The following CNOT3 variants were observed in gnomAD, a reference collection of about 807,000 sequenced individuals.
The protein encoded by CNOT3 is CCR4-NOT transcription complex subunit 3.
A neutral mutation model predicts 89.4 loss-of-function variants in CNOT3; 2 were observed. The ratio of observed to expected loss-of-function variants is 0.02; its 90% CI spans 0.01 to 0.07. CNOT3 has a LOEUF of 0.07. Among genes scored for constraint, CNOT3 ranks in the 10% least tolerant of loss-of-function variants. The pLI, the probability that CNOT3 is intolerant of heterozygous loss-of-function variation, is 1.00. For synonymous variants in CNOT3, 486 were observed against 402.0 expected, an observed-to-expected ratio of 1.21 and a Z score of -2.50; for missense variants, 664 against 1,010.2, an observed-to-expected ratio of 0.66 and a Z score of 4.65.
intron 9 of CNOT3, 146 bp downstream of exon 9, chr19:54,146,189 C>T (rs778936783): frequency 1.6e-4 from 130 of 838,478 alleles, no homozygotes; most frequent in Non-Finnish European, 2.1e-4. Flanking sequence ...TTGGAGCACA[C>T]GCTAAGGTCC....
Position 54,144,174 on chromosome 19 carries a change from C to T in CNOT3, c.387+40C>T, listed in dbSNP as rs1326157632. The T allele has an allele frequency of 6.2e-7, 1 of 1,610,812 alleles. No individual in the cohort carries two copies. Among genetic ancestry groups the T allele is most frequent in the Non-Finnish European group, 8.5e-7 (1 of 1,178,116 alleles). ...AGAAGAGGAGGTGAACTCTGAGGAT[C>T]CTGAGCCCTGGGTGTAGGCGGAACC... On this transcript the variant is annotated intron_variant, in intron 6 of 17. Transcript: ENST00000221232. The surrounding 1 kb of genome is among the most constrained non-coding windows in gnomAD (Gnocchi z 4.8).
In CNOT3 at chr19:54,152,625, C is replaced by T; in HGVS notation, c.1903C>T (p.Arg635Trp). 2 of 1,608,890 alleles carry T rather than the reference C, an allele frequency of 1.2e-6. No homozygotes were observed. Among genetic ancestry groups the T allele is most frequent in the Non-Finnish European group, 1.7e-6 (2 of 1,176,720 alleles). ...TCACCCCTCTGACTCTGAGCGTATTCGGTGAGGGGCCACAGGGAAGGGGGA... is the reference window on the plus strand; with the variant it reads ...TCACCCCTCTGACTCTGAGCGTATTTGGTGAGGGGCCACAGGGAAGGGGGA... ...MPHPSDSERI[R>W]QYLPRNPCPT... is the part of the protein sequence containing the mutation. Residue 635 changes from arginine to tryptophan, a missense_variant and splice_region_variant, in exon 15 of 18, where the codon CGG (arginine) becomes TGG (tryptophan). Around this residue, in one of 8 missense-constraint regions of CNOT3, gnomAD observed 545 missense variants for 566.2 expected, o/e 0.96. Coordinates refer to ENST00000221232, the MANE Select transcript of CNOT3 (RefSeq NM_014516.4).
Position 54,153,720 on chromosome 19 carries a change from T to G in CNOT3, c.2043T>G (p.Thr681=). 6.2e-7 allele frequency: 1 copy of G among 1,613,886 alleles called. No individual in the cohort carries two copies. The highest frequency in any genetic ancestry group is 8.5e-7 in the Non-Finnish European group (1 of 1,179,848). The change falls in exon 17 of 18, where the codon ACT becomes ACG. Residue 681 remains threonine (T), a synonymous_variant. Coordinates refer to ENST00000221232, the MANE Select transcript of CNOT3 (RefSeq NM_014516.4). ...LFFIFYYLEG[T]KAQYLAAKAL... is the part of the protein sequence containing the mutation. ...CTCCACTGTTCCTCCCCCAGGGCACTAAGGCACAGTATCTGGCAGCCAAGG... is the reference window on the plus strand; with the variant it reads ...CTCCACTGTTCCTCCCCCAGGGCACGAAGGCACAGTATCTGGCAGCCAAGG...
At position 54,144,409 on chromosome 19, in the gene CNOT3, T is replaced by C; in HGVS notation, c.483+77T>C. The C allele has an allele frequency of 1.8e-6, 2 of 1,082,918 alleles. No individual in the cohort carries two copies. Among genetic ancestry groups the C allele is most frequent in the East Asian group, 2.4e-5 (1 of 41,588 alleles). The allele number at this position is 1,082,918 out of a possible 1,614,324, so 67.1% of individuals were successfully genotyped here. ...GCTGGCCAGCAGGAGGCCAGTCATT[T>C]ATGCTCCTGGGAGTTGGGGCCTGGA... On this transcript the variant is annotated intron_variant, in intron 7 of 17. Transcript: ENST00000221232. This position sits in a 1 kb window ranked among gnomAD's most constrained non-coding sequence, Gnocchi z 4.8.
At chr19:54,152,122 C>T (rs2075149754) in intron 13 of CNOT3, 104 bp from the exon 14 acceptor site, 5 of 1,239,314 alleles carry the variant, frequency 4.0e-6, no homozygotes, top group Non-Finnish European at 5.8e-6. Context: ...GTTGGCCCTC[C>T]ACGGCCCCCA....
At position 54,144,301 on chromosome 19, in the gene CNOT3, T is replaced by C. The variant is rs2074569451; in HGVS notation, c.452T>C (p.Val151Ala). ...QFESEVESLSVQTRKKKGDKD... is the reference protein window; with the variant it reads ...QFESEVESLSAQTRKKKGDKD... ...GAGAGTGAAGTGGAGTCACTGTCAGTGCAGACACGCAAGAAGAAGGGCGAC... is the reference window on the plus strand; with the variant it reads ...GAGAGTGAAGTGGAGTCACTGTCAGCGCAGACACGCAAGAAGAAGGGCGAC... Residue 151 changes from valine (V) to alanine (A), a missense_variant, in exon 7 of 18, where the codon GTG becomes GCG. Physicochemically the swap from Val to Ala is moderately conservative, Grantham distance 64. Around this residue, in one of 8 missense-constraint regions of CNOT3, gnomAD observed 37 missense variants for 79.5 expected, o/e 0.47. Transcript: ENST00000221232. The surrounding 1 kb of genome is among the most constrained non-coding windows in gnomAD (Gnocchi z 4.8). The C allele has an allele frequency of 4.3e-6, 7 of 1,613,898 alleles. No homozygotes were observed. The highest frequency in any genetic ancestry group is 1.1e-5 in the South Asian group (1 of 91,084).
chr19:54,149,664 C>A lies in CNOT3; in HGVS notation c.1511C>A (p.Pro504His). Residue 504 changes from proline (P) to histidine (H), a missense_variant, in exon 13 of 18, where the codon CCT becomes CAT. Physicochemically the swap from Pro to His is moderately conservative, Grantham distance 77. Coordinates refer to ENST00000221232, the MANE Select transcript of CNOT3 (RefSeq NM_014516.4). ...PSLLVPLPVN[P>H]PSSPTPSFSD... ...CTCCTGGTGCCACTGCCTGTGAATC[C>A]TCCCAGCTCCCCAACGCCCAGCTTC... 6.2e-7 allele frequency: 1 copy of A among 1,614,058 alleles called. No individual in the cohort carries two copies. Among genetic ancestry groups the A allele is most frequent in the Non-Finnish European group, 8.5e-7 (1 of 1,179,948 alleles).
At chr19:54,153,502 C>T in intron 16 of CNOT3, 1 of 778,210 alleles carries the variant, frequency 1.3e-6, no homozygotes, top group Non-Finnish European at 2.4e-6. Context: ...CAAAGCTTCT[C>T]TGAAAGCAAT....
intron 13 of CNOT3, among the ~76,000 whole-genome samples, 170 bp downstream of exon 13, chr19:54,149,928 G>A (rs899998872): frequency 6.6e-5 from 10 of 151,632 alleles, no homozygotes; most frequent in Admixed American, 5.9e-4. Context: ...CACCCTCCCC[G>A]TGACCTTGAT....
At position 54,145,495 on chromosome 19, in the gene CNOT3, G is replaced by A. The variant is rs2074627470; in HGVS notation, c.484-103G>A. On this transcript the variant is annotated intron_variant, in intron 7 of 17. Coordinates refer to ENST00000221232, the MANE Select transcript of CNOT3 (RefSeq NM_014516.4). This position sits in a 1 kb window ranked among gnomAD's most constrained non-coding sequence, Gnocchi z 5.9. The stretch of plus-strand genomic sequence containing the variant: ...CCGAAGGGGATGGCGTGGAGGCTTT[G>A]GGTCTCCACAGGGGTCAGGGACTGA... 1 of 770,962 alleles carries A rather than the reference G, an allele frequency of 1.3e-6. No homozygotes were observed. Among genetic ancestry groups the A allele is most frequent in the African/African-American group, 1.7e-5 (1 of 57,894 alleles). 47.8% of individuals were successfully genotyped at this position (770,962 alleles called of 1,614,324 possible). A position where few individuals can be genotyped will look rare whatever the true frequency, so the allele number is the denominator to read the frequency against.
intron 1 of CNOT3, among the ~76,000 whole-genome samples, 194 bp downstream of exon 1, chr19:54,138,187 C>CCGTTCCTGCGCCTCTTTCA (rs1164208993): frequency 2.3e-4 from 35 of 152,002 alleles, no homozygotes; most frequent in African/African-American, 7.5e-4. Flanking sequence ...TCTCGCCCTC[C>CCGTTCCTGCGCCTCTTTCA]CGTTCCTGCG....
At position 54,149,631 on chromosome 19, in the gene CNOT3, G is replaced by A; in HGVS notation, c.1478G>A (p.Gly493Glu). Reference sequence around the variant, plus strand: ...CCAGGCTCAGGGAACAACTCAGGGGGACCCAGCCTCCTGGTGCCACTGCCT... The same window carrying A: ...CCAGGCTCAGGGAACAACTCAGGGGAACCCAGCCTCCTGGTGCCACTGCCT... ...VAPGSGNNSG[G>E]PSLLVPLPVN... Residue 493 changes from glycine (G) to glutamate (E), a missense_variant, in exon 13 of 18, where the codon GGA (glycine) becomes GAA (glutamate). This residue lies in a region of CNOT3 where 545 missense variants were observed against 566.2 expected (regional missense o/e 0.96). Transcript: ENST00000221232. 2 of 1,613,790 alleles carry A rather than the reference G, an allele frequency of 1.2e-6. No homozygotes were observed. The highest frequency in any genetic ancestry group is 2.7e-5 in the African/African-American group (2 of 75,034).
chr19:54,140,177 G>T (rs2074390226), intron 1 of CNOT3, among the ~76,000 whole-genome samples: 1 of 152,158 alleles, frequency 6.6e-6, no homozygotes, highest in Non-Finnish European at 1.5e-5. Flanking sequence ...AAGTCTGGGG[G>T]GCTCTTCTTT....
chr19:54,149,124 A>G (rs182152513), intron 12 of CNOT3, among the ~76,000 whole-genome samples: 11 of 152,198 alleles, frequency 7.2e-5, no homozygotes, highest in South Asian at 2.1e-4. Flanking sequence ...CACTCCTTCA[A>G]ATCTTAGCTC....
At chr19:54,138,445 C>T (rs1158062800) in intron 1 of CNOT3, among the ~76,000 whole-genome samples, 1 of 152,058 alleles carries the variant, frequency 6.6e-6, no homozygotes, top group African/African-American at 2.4e-5. Context: ...CCCCCTCGGC[C>T]TCGGTCCTTC....
intron 13 of CNOT3, among the ~76,000 whole-genome samples, chr19:54,151,873 C>T (rs141710580): frequency 3.3e-5 from 5 of 152,286 alleles, no homozygotes; most frequent in East Asian, 1.9e-4. Flanking sequence ...AGTGAAGGAG[C>T]GTGTACTATT....
rs367695100 is a variant in CNOT3 at position 54,148,570 on chromosome 19, C to T, written c.1282+35C>T. 3.3e-5 allele frequency: 48 copies of T among 1,452,396 alleles called. No individual in the cohort carries two copies. The Middle Eastern group carries it at 1.4e-3, about 43-fold the overall frequency. The allele number at this position is 1,452,396 out of a possible 1,614,324, so 90.0% of individuals were successfully genotyped here. ...GAGGCAGCGGGGTGGGGGGCGTGGG[C>T]GGGGCTGGGCAGCAGGCAGCAGCCC... On this transcript the variant is annotated intron_variant, in intron 11 of 17. Transcript: ENST00000221232. This position sits in a 1 kb window ranked among gnomAD's most constrained non-coding sequence, Gnocchi z 6.3.
rs144275283 is a variant in CNOT3, at chr19:54,143,621, G to A, written c.169-39G>A. 2,026 of 1,609,250 alleles carry A rather than the reference G, an allele frequency of 1.3e-3. 22 individuals carry two copies. In the African/African-American group the frequency reaches 0.024, roughly 19 times the overall value. ...AAGGAGCTGTGGGCCCCAGTTCCTG[G>A]GTCCTGAGGTCTGACTTTCTTGCTT... On this transcript the variant is annotated intron_variant, in intron 4 of 17. Coordinates refer to ENST00000221232, the MANE Select transcript of CNOT3 (RefSeq NM_014516.4).
chr19:54,146,128 A>T, intron 9 of CNOT3, 85 bp downstream of exon 9: 1 of 1,482,600 alleles, frequency 6.7e-7, no homozygotes, highest in Non-Finnish European at 9.2e-7. Context: ...CAAAGTGGCT[A>T]TGGGAGCGTA....
Sources: allele counts gnomAD v4.1 joint callset (sites outside exome capture counted in the v4.1 genomes callset), GRCh38; gene constraint gnomAD v4.1.1; regional missense constraint gnomAD v4.1.1; non-coding constraint Gnocchi (gnomAD v3.1); transcripts MANE v1.5; gene names NCBI Gene and HGNC (gene_info 2026-07-23, HGNC 2026-07-21).